Variants in PCDH15 observed in about 807,000 individuals in gnomAD.
PCDH15 encodes protocadherin related 15.
Under a neutral mutation model 178.5 loss-of-function variants are expected in PCDH15, and 129 were observed. The observed-to-expected ratio is 0.72, with a 90% confidence interval of 0.63 to 0.84. PCDH15 has a LOEUF of 0.84. PCDH15 is among the 40% of genes least tolerant of loss of function. The pLI is 0.00. For synonymous variants in PCDH15, 800 were observed against 732.0 expected, an observed-to-expected ratio of 1.09 and a Z score of -1.50; for missense variants, 2,230 against 2,099.9, an observed-to-expected ratio of 1.06 and a Z score of -1.21.
At chr10:54,980,035 A>G (rs1397841918) in intron 2 of PCDH15, among the ~76,000 whole-genome samples, 2 of 152,186 alleles carry the variant, frequency 1.3e-5, no homozygotes, top group African/African-American at 4.8e-5. Context: ...CTCCTTAACC[A>G]GTAAATGGGC....
At chr10:55,607,883 A>T (rs1157396582) in intron 2 of PCDH15, among the ~76,000 whole-genome samples, 1 of 151,874 alleles carries the variant, frequency 6.6e-6, no homozygotes, top group African/African-American at 2.4e-5. Flanking sequence ...ATGTACCCTA[A>T]AACTTAAAGT....
chr10:55,617,153 A>C (rs569261767), intron 2 of PCDH15, among the ~76,000 whole-genome samples: 1 of 152,038 alleles, frequency 6.6e-6, no homozygotes, highest in Non-Finnish European at 1.5e-5. Context: ...ATGAAAGAAA[A>C]ACAGAACTTT....
Position 54,189,918 on chromosome 10 carries a change from CATGTGTAT to C in PCDH15, c.1306-4658_1306-4651del, listed in dbSNP as rs758610262. Among the ~76,000 whole-genome samples the C allele has an allele frequency of 4.2e-3, 345 of 82,022 alleles. 3 individuals carry two copies. The highest frequency in any genetic ancestry group is 0.019 in the Middle Eastern group (3 of 158). The allele number at this position is 82,022 out of a possible 152,430, so 53.8% of individuals were successfully genotyped here. ...GATATGGTTCATATATGTATACATG[CATGTGTAT>C]GTGTGTGTGTGTGTGTGTGTGTGTG... On this transcript the variant is annotated intron_variant, in intron 11 of 37. Coordinates refer to ENST00000644397, the MANE Select transcript of PCDH15 (RefSeq NM_001384140.1).
chr10:54,759,351 A>C (rs934849352), intron 1 of PCDH15, among the ~76,000 whole-genome samples: 2 of 152,164 alleles, frequency 1.3e-5, no homozygotes, highest in African/African-American at 4.8e-5. Context: ...GCAAAAAACA[A>C]TTTTCAAAAT....
intron 2 of PCDH15, among the ~76,000 whole-genome samples, chr10:54,980,134 T>G (rs576120486): frequency 6.6e-6 from 1 of 152,182 alleles, no homozygotes; most frequent in African/African-American, 2.4e-5. Context: ...CATCAAACCT[T>G]GGAGATGACC....
chr10:54,192,094 AG>A (rs2049062903), intron 11 of PCDH15, among the ~76,000 whole-genome samples: 1 of 118,264 alleles, frequency 8.5e-6, no homozygotes, highest in Non-Finnish European at 1.6e-5. Flanking sequence ...AAACAAAGGA[AG>A]GAAGGAAGAA....
In PCDH15 at chr10:53,822,127, T is replaced by C. The variant is rs1420803454; in HGVS notation, c.4368-1897A>G. ...GGGTCTGTTTTACACACTGTCGTTGTTGATAGCTGTGTCATAGAGGACTTA... is the reference window on the plus strand; with the variant it reads ...GGGTCTGTTTTACACACTGTCGTTGCTGATAGCTGTGTCATAGAGGACTTA... On this transcript the variant is annotated intron_variant, in intron 32 of 37. Coordinates refer to ENST00000644397, the MANE Select transcript of PCDH15 (RefSeq NM_001384140.1). 3.1e-6 allele frequency: 5 copies of C among 1,613,216 alleles called. No individual in the cohort carries two copies. The Admixed American group carries it at 6.7e-5, about 22-fold the overall frequency.
chr10:55,242,950 G>T (rs1269527540), intron 1 of PCDH15, among the ~76,000 whole-genome samples: 2 of 152,168 alleles, frequency 1.3e-5, no homozygotes, highest in East Asian at 1.9e-4. Flanking sequence ...AATGAAGACT[G>T]CTGGGAGAAA....
At chr10:54,055,185 T>G (rs534606884) in intron 18 of PCDH15, among the ~76,000 whole-genome samples, 2 of 152,186 alleles carry the variant, frequency 1.3e-5, no homozygotes, top group East Asian at 3.8e-4. Flanking sequence ...TTTAAGTGCT[T>G]AAGACAGAAA....
chr10:55,227,506 AG>A (rs909107694), intron 1 of PCDH15, among the ~76,000 whole-genome samples: 16 of 148,682 alleles, frequency 1.1e-4, no homozygotes, highest in African/African-American at 3.5e-4. Context: ...GCAGGCTTAG[AG>A]GGTAGTCAGC....
In PCDH15 at chr10:53,811,475, A is replaced by T. The variant is rs2075862416; in HGVS notation, c.4562+74T>A. ...GACATTAAAAACAAATTCTAGTAAT[A>T]ATAATCATTTAATAATTTCCTATTA... On this transcript the variant is annotated intron_variant, in intron 36 of 37. Coordinates refer to ENST00000644397, the MANE Select transcript of PCDH15 (RefSeq NM_001384140.1). 2 of 919,538 alleles carry T rather than the reference A, an allele frequency of 2.2e-6. 1 individual carries two copies. The highest frequency in any genetic ancestry group is 6.2e-5 in the Admixed American group (2 of 32,362). 57.0% of individuals were successfully genotyped at this position (919,538 alleles called of 1,614,324 possible).
At chr10:55,140,803 T>G (rs1838332544) in intron 2 of PCDH15, among the ~76,000 whole-genome samples, 1 of 151,982 alleles carries the variant, frequency 6.6e-6, no homozygotes, top group Non-Finnish European at 1.5e-5. Context: ...AAATATTGCT[T>G]TTATGTAAGT....
At chr10:53,907,260 CCTT>C (rs1002897553) in intron 25 of PCDH15, 3 of 152,070 alleles carry the variant, frequency 2.0e-5, no homozygotes, top group African/African-American at 7.2e-5. Context: ...CTTTTTATCT[CCTT>C]GAGTACTTAC....
At chr10:54,140,129 ATAGT>A (rs2043256917) in intron 14 of PCDH15, among the ~76,000 whole-genome samples, 1 of 152,206 alleles carries the variant, frequency 6.6e-6, no homozygotes, top group African/African-American at 2.4e-5. Flanking sequence ...AGCATTGTTC[ATAGT>A]TAAAGCTCAT....
chr10:55,200,788 A>G (rs1352463716), intron 1 of PCDH15, among the ~76,000 whole-genome samples: 1 of 151,898 alleles, frequency 6.6e-6, no homozygotes, highest in Non-Finnish European at 1.5e-5. Flanking sequence ...TGGTTGTTTG[A>G]AAGTGTGTAG....
chr10:55,058,344 G>A (rs1841354492), intron 2 of PCDH15, among the ~76,000 whole-genome samples: 1 of 152,068 alleles, frequency 6.6e-6, no homozygotes, highest in Non-Finnish European at 1.5e-5. Context: ...CAGAATAGCT[G>A]AGACAATAGG....
intron 8 of PCDH15, 59 bp from the exon 9 acceptor site, chr10:54,236,990 TG>T: frequency 1.5e-6 from 2 of 1,372,942 alleles, no homozygotes; most frequent in African/African-American, 1.4e-5. Flanking sequence ...CATGAAGGAT[TG>T]AGACAGATGC....
chr10:55,436,813 G>T (rs1252623169), intron 2 of PCDH15, among the ~76,000 whole-genome samples: 1 of 152,130 alleles, frequency 6.6e-6, no homozygotes, highest in Non-Finnish European at 1.5e-5. Flanking sequence ...ATGAAGATAG[G>T]TGGTTATAAG....
At chr10:54,502,818 CTA>C (rs1370416008) in intron 3 of PCDH15, among the ~76,000 whole-genome samples, 2 of 151,868 alleles carry the variant, frequency 1.3e-5, no homozygotes, top group African/African-American at 4.8e-5. Flanking sequence ...CCACTGTTTC[CTA>C]TGTGTTATGC....
Sources: allele counts gnomAD v4.1 joint callset (sites outside exome capture counted in the v4.1 genomes callset), GRCh38; gene constraint gnomAD v4.1.1; transcripts MANE v1.5; gene names NCBI Gene and HGNC (gene_info 2026-07-23, HGNC 2026-07-21).